ALDH6A1: variants seen among roughly 807,000 people sequenced by gnomAD.
ALDH6A1 encodes aldehyde dehydrogenase 6 family member A1, also known as methylmalonate-semialdehyde/malonate-semialdehyde dehydrogenase [acylating], mitochondrial.
A neutral mutation model predicts 62.6 loss-of-function variants in ALDH6A1; 43 were observed. That is an observed-to-expected ratio of 0.69 (90% CI 0.54 to 0.89). The LOEUF (loss-of-function observed/expected upper bound fraction) is 0.89, where lower values mean the gene tolerates loss of function less well. ALDH6A1 is among the 40% of genes least tolerant of loss of function. ALDH6A1 has a pLI of 0.00. For missense variants in ALDH6A1, 551 were observed against 661.3 expected (o/e 0.83, Z 1.83); for synonymous variants, 194 against 234.2 (o/e 0.83, Z 1.57).
In ALDH6A1 at chr14:74,079,152, C is replaced by T. The variant is rs575764056; in HGVS notation, c.49-4135G>A. ...GATACCCACGTAATTATCTTTACCA[C>T]ATCTCTATTTGGATGTTACTTGGGC... On this transcript the variant is annotated intron_variant, in intron 1 of 11. Transcript: ENST00000553458. 2.0e-5 allele frequency among the ~76,000 whole-genome samples: 3 copies of T among 151,818 alleles called. No individual in the cohort carries two copies. In the East Asian group the frequency reaches 5.8e-4, roughly 29 times the overall value.
chr14:74,062,383 C>T (rs947585616), intron 11 of ALDH6A1, among the ~76,000 whole-genome samples: 5 of 152,024 alleles, frequency 3.3e-5, no homozygotes, highest in African/African-American at 7.2e-5. Flanking sequence ...AGGCAGATCA[C>T]CTGAGGTAAG....
rs776319322 is a variant in ALDH6A1, at chr14:74,065,294, A to G, written c.1291T>C (p.Leu431=). The change falls in exon 10 of 12, where the codon TTG becomes CTG. Residue 431 remains leucine, a synonymous_variant. Coordinates refer to ENST00000553458, the MANE Select transcript of ALDH6A1 (RefSeq NM_005589.4). ...TTTACAATCTGGATGGCTTCATCCA[A>G]TGTTTCTGTCTCCAGAACCACAAGA... The part of the protein sequence containing the change: ...PVLVVLETET[L]DEAIQIVNNN... 3.1e-6 allele frequency: 5 copies of G among 1,613,950 alleles called. No individual in the cohort carries two copies. The highest frequency in any genetic ancestry group is 2.2e-5 in the East Asian group (1 of 44,894).
At chr14:74,081,273 G>C (rs1017186200) in intron 1 of ALDH6A1, 2 of 152,202 alleles carry the variant, frequency 1.3e-5, no homozygotes, top group South Asian at 2.1e-4. Flanking sequence ...TCCTGGAAGA[G>C]AGTAAGTACT....
At chr14:74,070,992 T>C (rs1480898952) in intron 6 of ALDH6A1, 3 of 619,842 alleles carry the variant, frequency 4.8e-6, no homozygotes, top group African/African-American at 1.8e-5. Context: ...CAATATATAC[T>C]GTAGGGCAAC....
intron 11 of ALDH6A1, among the ~76,000 whole-genome samples, chr14:74,061,396 G>A (rs1368257684): frequency 6.6e-6 from 1 of 152,090 alleles, no homozygotes; most frequent in African/African-American, 2.4e-5. Flanking sequence ...CTGCCTCCCA[G>A]GTTCATGTGA....
At chr14:74,070,746 C>G (rs2060538299) in intron 6 of ALDH6A1, 1 of 173,946 alleles carries the variant, frequency 5.7e-6, no homozygotes, top group Non-Finnish European at 1.2e-5. Flanking sequence ...AAAATAATAC[C>G]TACCTCAAAG....
At chr14:74,068,478 C>G (rs921112888) in intron 7 of ALDH6A1, among the ~76,000 whole-genome samples, 1 of 151,204 alleles carries the variant, frequency 6.6e-6, no homozygotes, top group Admixed American at 6.6e-5. Context: ...GTAAGGCTTA[C>G]GCCTGTAATC....
intron 2 of ALDH6A1, 88 bp from the exon 3 acceptor site, chr14:74,072,699 A>G: frequency 7.1e-7 from 1 of 1,414,464 alleles, no homozygotes; most frequent in Non-Finnish European, 9.7e-7. Flanking sequence ...CCCTTGCACC[A>G]AAAGGAAAGA....
At chr14:74,063,186 T>A (rs1282793331) in intron 11 of ALDH6A1, among the ~76,000 whole-genome samples, 1 of 145,422 alleles carries the variant, frequency 6.9e-6, no homozygotes, top group East Asian at 2.0e-4. Context: ...TAGTAATAAT[T>A]CTTCTTTTTT....
chr14:74,072,717 T>C, intron 2 of ALDH6A1, 106 bp from the exon 3 acceptor site: 1 of 1,267,076 alleles, frequency 7.9e-7, no homozygotes, highest in Non-Finnish European at 1.1e-6. Context: ...AGAAAACAAG[T>C]TGATAACGGA....
chr14:74,064,322 A>T (rs1044665935), intron 11 of ALDH6A1, among the ~76,000 whole-genome samples: 7 of 151,798 alleles, frequency 4.6e-5, no homozygotes, highest in South Asian at 4.2e-4. Flanking sequence ...TAATAATAAT[A>T]ATAGTAATAA....
intron 11 of ALDH6A1, among the ~76,000 whole-genome samples, chr14:74,063,691 C>T (rs1483288814): frequency 1.3e-5 from 2 of 150,684 alleles, no homozygotes; most frequent in African/African-American, 2.4e-5. Flanking sequence ...AATGGTGAAA[C>T]CCTATCTCCA....
chr14:74,068,388 GA>G (rs3082879), intron 7 of ALDH6A1, among the ~76,000 whole-genome samples: 8 of 150,726 alleles, frequency 5.3e-5, no homozygotes, highest in Admixed American at 4.6e-4. Flanking sequence ...CAAAAAAAAA[GA>G]AAAAAAGTGA....
intron 1 of ALDH6A1, among the ~76,000 whole-genome samples, chr14:74,077,468 C>T (rs964642084): frequency 1.2e-4 from 19 of 152,162 alleles, no homozygotes; most frequent in African/African-American, 4.3e-4. Flanking sequence ...ATGGCTCTAG[C>T]TTCTGGCGAG....
In ALDH6A1 at chr14:74,060,535, A is replaced by T. The variant is rs761987609; in HGVS notation, c.*107T>A. Reference sequence around the variant, plus strand: ...AGTCCTGAGGAAGATTTTAGTTACAATGTATTCCAATCCCATCGATCTGAT... The same window carrying T: ...AGTCCTGAGGAAGATTTTAGTTACATTGTATTCCAATCCCATCGATCTGAT... On this transcript the variant is annotated 3_prime_UTR_variant, in exon 12 of 12. Transcript: ENST00000553458. The T allele has an allele frequency of 2.3e-6, 2 of 865,630 alleles. No individual in the cohort carries two copies. The highest frequency in any genetic ancestry group is 4.0e-6 in the Non-Finnish European group (2 of 506,230). The allele number at this position is 865,630 out of a possible 1,614,324, so 53.6% of individuals were successfully genotyped here. A position where few individuals can be genotyped will look rare whatever the true frequency, so the allele number is the denominator to read the frequency against.
chr14:74,071,737 T>C, intron 5 of ALDH6A1, 159 bp downstream of exon 5: 1 of 1,445,832 alleles, frequency 6.9e-7, no homozygotes, highest in Non-Finnish European at 9.5e-7. Flanking sequence ...AAATCAGTCT[T>C]AGGGATACTG....
chr14:74,069,932 A>G (rs1162437006), intron 6 of ALDH6A1, among the ~76,000 whole-genome samples: 2 of 145,610 alleles, frequency 1.4e-5, no homozygotes, highest in African/African-American at 5.1e-5. Context: ...GCTCACTGCA[A>G]CCTCTGTTTG....
intron 1 of ALDH6A1, among the ~76,000 whole-genome samples, chr14:74,077,004 C>CA (rs1193220667): frequency 1.3e-5 from 2 of 152,174 alleles, no homozygotes; most frequent in Non-Finnish European, 2.9e-5. Context: ...TATAGAGCTG[C>CA]ATGAAGGGTG....
At chr14:74,063,826 A>G (rs2139753586) in intron 11 of ALDH6A1, among the ~76,000 whole-genome samples, 1 of 149,430 alleles carries the variant, frequency 6.7e-6, no homozygotes, top group Non-Finnish European at 1.5e-5. Context: ...AGATTGTGCC[A>G]CCGCACCCCA....
Sources: gnomAD v4.1 joint callset for allele counts (sites outside exome capture counted in the v4.1 genomes callset) on GRCh38, gnomAD v4.1.1 for gene constraint, MANE v1.5 for transcripts, NCBI Gene and HGNC (gene_info 2026-07-23, HGNC 2026-07-21) for gene names.